The following MACROD2 variants were observed in gnomAD, a reference collection of about 807,000 sequenced individuals.
MACROD2 encodes the protein ADP-ribose glycohydrolase MACROD2.
A neutral mutation model predicts 70.4 loss-of-function variants in MACROD2; 36 were observed. The observed-to-expected ratio is 0.51, with a 90% CI of 0.39 to 0.68. MACROD2 has a LOEUF of 0.68. Among genes scored for constraint, MACROD2 ranks in the 30% least tolerant of loss-of-function variants. MACROD2 has a pLI of 0.00. For missense variants in MACROD2, 496 were observed against 538.4 expected (o/e 0.92, Z 0.78); for synonymous variants, 172 against 178.8 (o/e 0.96, Z 0.30).
intron 5 of MACROD2, among the ~76,000 whole-genome samples, chr20:15,129,485 G>C (rs1407298818): frequency 6.6e-6 from 1 of 152,020 alleles, no homozygotes; most frequent in East Asian, 1.9e-4. Flanking sequence ...AAAGATTCCT[G>C]AAAATTGTAT....
intron 5 of MACROD2, among the ~76,000 whole-genome samples, chr20:14,807,961 C>T (rs1401348352): frequency 2.0e-5 from 3 of 152,154 alleles, no homozygotes; most frequent in African/African-American, 4.8e-5. Context: ...ACCAAACCTA[C>T]GATTGATTGG....
At position 14,955,507 on chromosome 20, in the gene MACROD2, A is replaced by G. The variant is rs1195933414; in HGVS notation, c.418+270548A>G. Among the ~76,000 whole-genome samples the G allele has an allele frequency of 4.6e-5, 7 of 151,792 alleles. No individual in the cohort carries two copies. The South Asian group carries it at 1.5e-3, about 31-fold the overall frequency. Reference sequence around the variant, plus strand: ...TATGTCTGCCATCAAGTGTGTATTCATGATATATCCAAGGTAGAAGGCATG... The same window carrying G: ...TATGTCTGCCATCAAGTGTGTATTCGTGATATATCCAAGGTAGAAGGCATG... On this transcript the variant is annotated intron_variant, in intron 5 of 17. Coordinates refer to ENST00000684519, the MANE Select transcript of MACROD2 (RefSeq NM_001351661.2).
chr20:15,214,816 C>T (rs1430970029), intron 5 of MACROD2, among the ~76,000 whole-genome samples: 2 of 152,154 alleles, frequency 1.3e-5, no homozygotes, highest in African/African-American at 4.8e-5. Flanking sequence ...AAAATTCTAT[C>T]AAAATACTCT....
At chr20:14,282,175 C>T (rs931568697) in intron 3 of MACROD2, among the ~76,000 whole-genome samples, 14 of 151,906 alleles carry the variant, frequency 9.2e-5, no homozygotes, top group Non-Finnish European at 1.3e-4. Flanking sequence ...AAGAAATTCT[C>T]GCCATAGGCA....
chr20:15,252,631 G>A (rs774727226), intron 6 of MACROD2, among the ~76,000 whole-genome samples: 1 of 152,154 alleles, frequency 6.6e-6, no homozygotes, highest in African/African-American at 2.4e-5. Flanking sequence ...CAGGAAAAAG[G>A]TATCAAATAC....
chr20:15,073,626 G>A (rs1027722235), intron 5 of MACROD2, among the ~76,000 whole-genome samples: 1 of 152,082 alleles, frequency 6.6e-6, no homozygotes, highest in African/African-American at 2.4e-5. Flanking sequence ...GTAATCAATA[G>A]TAACACTCCA....
intron 8 of MACROD2, among the ~76,000 whole-genome samples, chr20:15,614,841 T>C (rs150931111): frequency 1.6e-4 from 25 of 152,306 alleles, no homozygotes; most frequent in African/African-American, 6.0e-4. Flanking sequence ...CAAACTAATA[T>C]ATTCATGCCT....
intron 8 of MACROD2, among the ~76,000 whole-genome samples, chr20:15,853,341 CT>C (rs1382334825): frequency 6.6e-6 from 1 of 152,166 alleles, no homozygotes; most frequent in East Asian, 1.9e-4. Context: ...CTAAGATGAT[CT>C]TTCAGATTCC....
At chr20:14,428,549 AT>A (rs2083960863) in intron 3 of MACROD2, among the ~76,000 whole-genome samples, 1 of 152,096 alleles carries the variant, frequency 6.6e-6, no homozygotes, top group African/African-American at 2.4e-5. Context: ...CTACTCCTGT[AT>A]TTTTACTAAG....
At chr20:14,988,625 T>G (rs866957447) in intron 5 of MACROD2, among the ~76,000 whole-genome samples, 1 of 152,190 alleles carries the variant, frequency 6.6e-6, no homozygotes, top group African/African-American at 2.4e-5. Flanking sequence ...TATTGGAGAC[T>G]GAAACTACCT....
At chr20:14,147,350 T>A (rs1057159693) in intron 3 of MACROD2, among the ~76,000 whole-genome samples, 1 of 152,204 alleles carries the variant, frequency 6.6e-6, no homozygotes, top group Admixed American at 6.5e-5. Flanking sequence ...TGAGCCTCAG[T>A]TTTCTTATCT....
chr20:14,548,218 C>T (rs557612726), intron 4 of MACROD2, among the ~76,000 whole-genome samples: 1 of 152,262 alleles, frequency 6.6e-6, no homozygotes, highest in African/African-American at 2.4e-5. Flanking sequence ...AGGGCTATGC[C>T]TTCTTCACGT....
intron 5 of MACROD2, among the ~76,000 whole-genome samples, chr20:15,151,354 A>G (rs2145861075): frequency 6.6e-6 from 1 of 152,024 alleles, no homozygotes; most frequent in Admixed American, 6.5e-5. Flanking sequence ...AGGCGTTTGG[A>G]AGTTCTTGTG....
chr20:16,028,030 A>T (rs2067103845), intron 15 of MACROD2, among the ~76,000 whole-genome samples: 1 of 152,220 alleles, frequency 6.6e-6, no homozygotes, highest in Non-Finnish European at 1.5e-5. Flanking sequence ...GTGGAATGTG[A>T]TCAGAATGCA....
intron 5 of MACROD2, among the ~76,000 whole-genome samples, chr20:15,117,833 G>A (rs555226161): frequency 1.3e-5 from 2 of 152,136 alleles, no homozygotes; most frequent in Admixed American, 6.5e-5. Flanking sequence ...ATGGAATGAC[G>A]ATACTTTGTG....
intron 9 of MACROD2, among the ~76,000 whole-genome samples, chr20:15,863,187 CTACCATGTTAAA>C (rs1201909293): frequency 1.3e-5 from 2 of 152,218 alleles, no homozygotes; most frequent in African/African-American, 4.8e-5. Context: ...ATGCCTGCAT[CTACCATGTTAAA>C]TACCATTGTT....
intron 5 of MACROD2, among the ~76,000 whole-genome samples, chr20:15,067,158 T>C (rs561986148): frequency 8.5e-5 from 13 of 152,300 alleles, no homozygotes; most frequent in African/African-American, 2.4e-4. Context: ...ATGCAACTAA[T>C]TTTTAAGTGC....
intron 6 of MACROD2, among the ~76,000 whole-genome samples, chr20:15,323,291 C>T (rs185627056): frequency 6.6e-6 from 1 of 152,246 alleles, no homozygotes; most frequent in Non-Finnish European, 1.5e-5. Flanking sequence ...CCATTCCACT[C>T]TTACAAGTAA....
intron 17 of MACROD2, among the ~76,000 whole-genome samples, chr20:16,045,685 C>T (rs1037599307): frequency 7.2e-5 from 11 of 151,826 alleles, no homozygotes; most frequent in Non-Finnish European, 1.6e-4. Context: ...TTTATCTCTT[C>T]GGTGGTTAGT....
Sources: allele counts gnomAD v4.1 joint callset (sites outside exome capture counted in the v4.1 genomes callset), GRCh38; gene constraint gnomAD v4.1.1; transcripts MANE v1.5; gene names NCBI Gene and HGNC (gene_info 2026-07-23, HGNC 2026-07-21).